The following SMAD1 variants were observed in gnomAD, a reference collection of about 807,000 sequenced individuals.
The protein encoded by SMAD1 is MAD, mothers against decapentaplegic homolog 1.
A neutral mutation model predicts 41.6 loss-of-function variants in SMAD1; 6 were observed. That is an observed-to-expected ratio of 0.14 (90% CI 0.08 to 0.28). The LOEUF (loss-of-function observed/expected upper bound fraction) is 0.28. Ranked by LOEUF, SMAD1 falls within the 10% of genes least tolerant of loss-of-function variation. The probability of loss-of-function intolerance (pLI) is 1.00; values close to 1 mark genes in which losing one functional copy is unlikely to be tolerated. For synonymous variants in SMAD1, 206 were observed against 203.2 expected, an observed-to-expected ratio of 1.01 and a Z score of -0.12; for missense variants, 379 against 582.6, an observed-to-expected ratio of 0.65 and a Z score of 3.60.
rs541363358 is a variant in SMAD1 at position 145,505,697 on chromosome 4, C to T, written c.-176-8741C>T. ...CTCTGAAGCCCACCATAGGTCTACT[C>T]TGGAAGCTCAAGTCTTACTTTTTCT... On this transcript the variant is annotated intron_variant, in intron 1 of 6. Transcript: ENST00000302085. 9.1e-4 allele frequency among the ~76,000 whole-genome samples: 138 copies of T among 151,772 alleles called. 1 individual carries two copies. The highest frequency in any genetic ancestry group is 1.5e-3 in the Non-Finnish European group (103 of 67,956).
intron 6 of SMAD1, among the ~76,000 whole-genome samples, chr4:145,556,386 G>GTATATATATCTACA (rs1732836362): frequency 1.3e-5 from 2 of 151,948 alleles, no homozygotes; most frequent in Non-Finnish European, 1.5e-5. Context: ...ATACATCTAT[G>GTATATATATCTACA]TAGATATATA....
At chr4:145,543,169 G>C (rs1322296703) in intron 4 of SMAD1, among the ~76,000 whole-genome samples, 1 of 152,152 alleles carries the variant, frequency 6.6e-6, no homozygotes, top group Non-Finnish European at 1.5e-5. Context: ...GTTTCACCAT[G>C]TTGGCCAGGC....
chr4:145,519,144 G>A (rs1399518938), intron 2 of SMAD1, among the ~76,000 whole-genome samples: 1 of 92,830 alleles, frequency 1.1e-5, no homozygotes, highest in African/African-American at 3.3e-5. Flanking sequence ...TGACCAGGCT[G>A]GAGTGCAGTG....
chr4:145,531,649 T>C (rs1386462736), intron 2 of SMAD1, among the ~76,000 whole-genome samples: 34 of 152,116 alleles, frequency 2.2e-4, no homozygotes, highest in Admixed American at 2.2e-3. Context: ...CTCTTTTGTG[T>C]GAGGAAACTG....
At chr4:145,557,699 A>G in intron 6 of SMAD1, 92 bp from the exon 7 acceptor site, 1 of 983,068 alleles carries the variant, frequency 1.0e-6, no homozygotes, top group Non-Finnish European at 1.5e-6. Flanking sequence ...CATAGCTTTA[A>G]TCAGAGTCTT....
At chr4:145,489,222 G>A (rs1728647825) in intron 1 of SMAD1, among the ~76,000 whole-genome samples, 1 of 152,224 alleles carries the variant, frequency 6.6e-6, no homozygotes, top group South Asian at 2.1e-4. Context: ...CTCAGTGGGT[G>A]TTCCTCATGG....
intron 2 of SMAD1, among the ~76,000 whole-genome samples, chr4:145,534,343 A>G (rs1418187561): frequency 6.6e-6 from 1 of 152,250 alleles, no homozygotes; most frequent in South Asian, 2.1e-4. Flanking sequence ...AGCATCATCA[A>G]GATATTAATC....
chr4:145,504,949 G>T (rs1387907619), intron 1 of SMAD1, among the ~76,000 whole-genome samples: 2 of 152,180 alleles, frequency 1.3e-5, no homozygotes, highest in Non-Finnish European at 2.9e-5. Flanking sequence ...AAATAATATG[G>T]TTTTTCCAAC....
intron 6 of SMAD1, among the ~76,000 whole-genome samples, chr4:145,555,090 TTTGTTTGC>T (rs1198722921): frequency 4.6e-5 from 7 of 152,208 alleles, no homozygotes; most frequent in Non-Finnish European, 8.8e-5. Flanking sequence ...TGTTTGTTTG[TTTGTTTGC>T]TTGTTTGCTT....
intron 2 of SMAD1, among the ~76,000 whole-genome samples, chr4:145,518,684 G>A (rs573319604): frequency 8.0e-6 from 1 of 125,728 alleles, no homozygotes; most frequent in African/African-American, 2.5e-5. Flanking sequence ...TTTTACTTCT[G>A]ATGAAGTATC....
chr4:145,540,674 A>G (rs1578813173), intron 3 of SMAD1, among the ~76,000 whole-genome samples: 1 of 152,118 alleles, frequency 6.6e-6, no homozygotes, highest in African/African-American at 2.4e-5. Context: ...GGTTATCAAA[A>G]TAAATGATTA....
intron 2 of SMAD1, among the ~76,000 whole-genome samples, chr4:145,520,654 C>G (rs577192440): frequency 6.6e-6 from 1 of 152,306 alleles, no homozygotes; most frequent in South Asian, 2.1e-4. Context: ...GATGAGCCCT[C>G]TAACAAGATG....
chr4:145,489,360 A>G (rs531579736), intron 1 of SMAD1, among the ~76,000 whole-genome samples: 1 of 152,322 alleles, frequency 6.6e-6, no homozygotes, highest in South Asian at 2.1e-4. Context: ...TGCAGTTTGC[A>G]CTGGAGGGAT....
Position 145,539,904 on chromosome 4 carries a change from A to G in SMAD1, c.501A>G (p.Pro167=), listed in dbSNP as rs1560756465. Residue 167 remains proline, a synonymous_variant, in exon 3 of 7, where the codon CCA becomes CCG. Coordinates refer to ENST00000302085, the MANE Select transcript of SMAD1 (RefSeq NM_005900.3). The part of the protein sequence containing the change: ...RNLGQNEPHM[P]LNATFPDSFQ... Reference sequence around the variant, plus strand: ...TAGGACAAAATGAGCCTCACATGCCACTCAACGCCACTTTTCCAGATTCTT... The same window carrying G: ...TAGGACAAAATGAGCCTCACATGCCGCTCAACGCCACTTTTCCAGATTCTT... 1.9e-6 allele frequency: 3 copies of G among 1,613,878 alleles called. No individual in the cohort carries two copies. Among genetic ancestry groups the G allele is most frequent in the South Asian group, 2.2e-5 (2 of 91,068 alleles).
At chr4:145,546,302 G>A (rs746444952) in intron 4 of SMAD1, 1 of 190,458 alleles carries the variant, frequency 5.3e-6, no homozygotes, top group Non-Finnish European at 1.1e-5. Context: ...GTCTTCTATT[G>A]TTCTCTTCCC....
chr4:145,494,739 A>G (rs1209715536), intron 1 of SMAD1, among the ~76,000 whole-genome samples: 2 of 152,184 alleles, frequency 1.3e-5, no homozygotes, highest in African/African-American at 4.8e-5. Context: ...TTGTTTTTAG[A>G]ATTACATCAG....
chr4:145,503,030 A>G (rs1246907581), intron 1 of SMAD1: 1 of 152,238 alleles, frequency 6.6e-6, no homozygotes, highest in African/African-American at 2.4e-5. Flanking sequence ...ATCACTATAA[A>G]TAGAATTTCA....
intron 1 of SMAD1, among the ~76,000 whole-genome samples, chr4:145,508,604 T>C (rs1729915186): frequency 6.6e-6 from 1 of 152,200 alleles, no homozygotes; most frequent in Non-Finnish European, 1.5e-5. Context: ...ATTCTACTTA[T>C]CCTTTAAGTC....
chr4:145,535,747 A>C (rs1339679477), intron 2 of SMAD1, among the ~76,000 whole-genome samples: 1 of 152,106 alleles, frequency 6.6e-6, no homozygotes, highest in Non-Finnish European at 1.5e-5. Context: ...TATTGTTTTG[A>C]CTTTAAAATC....
Sources: gnomAD v4.1 joint callset for allele counts (sites outside exome capture counted in the v4.1 genomes callset) on GRCh38, gnomAD v4.1.1 for gene constraint, MANE v1.5 for transcripts, NCBI Gene and HGNC (gene_info 2026-07-23, HGNC 2026-07-21) for gene names.